SEMA3E: variants seen among roughly 807,000 people sequenced by gnomAD.
The protein encoded by SEMA3E is semaphorin 3E.
SEMA3E carries 49 observed loss-of-function variants against 93.6 expected under a neutral mutation model. The ratio of observed to expected loss-of-function variants is 0.52; its 90% CI spans 0.42 to 0.66. The LOEUF is 0.66. Among genes scored for constraint, SEMA3E ranks in the 30% least tolerant of loss-of-function variants. The pLI is 0.00. For missense variants in SEMA3E, 906 were observed against 964.8 expected, an observed-to-expected ratio of 0.94 and a Z score of 0.81; for synonymous variants, 363 against 330.7, an observed-to-expected ratio of 1.10 and a Z score of -1.06.
At chr7:83,461,914 C>T (rs1789628218) in intron 4 of SEMA3E, 1 of 152,224 alleles carries the variant, frequency 6.6e-6, no homozygotes, top group Non-Finnish European at 1.5e-5. Context: ...CCTCCAGAAC[C>T]TCCTCCCCCA....
intron 2 of SEMA3E, among the ~76,000 whole-genome samples, chr7:83,474,889 A>T (rs1789976730): frequency 6.6e-6 from 1 of 152,166 alleles, no homozygotes; most frequent in South Asian, 2.1e-4. Context: ...TTGACATTCA[A>T]TTTGATTTGG....
rs148366542 is a variant in SEMA3E, at chr7:83,586,985, A to G, written c.115+61443T>C. ...ATAGCTGTGATTCTGCATTTTGTAC[A>G]TTGAAGGCTGTAAAATAAAGGTTAG... On this transcript the variant is annotated intron_variant, in intron 1 of 16. Coordinates refer to ENST00000643230, the MANE Select transcript of SEMA3E (RefSeq NM_012431.3). 9.4e-3 allele frequency among the ~76,000 whole-genome samples: 1,437 copies of G among 152,258 alleles called. 24 individuals carry two copies. The highest frequency in any genetic ancestry group is 0.033 in the African/African-American group (1,368 of 41,564).
Position 83,365,711 on chromosome 7 carries a change from T to G in SEMA3E, c.*1875A>C, listed in dbSNP as rs1218270502. 2 of 152,172 alleles carry G rather than the reference T, an allele frequency of 1.3e-5. No homozygotes were observed. Among genetic ancestry groups the G allele is most frequent in the Non-Finnish European group, 2.9e-5 (2 of 67,994 alleles). The allele number at this position is 152,172 out of a possible 1,614,324, so 9.4% of individuals were successfully genotyped here. On this transcript the variant is annotated 3_prime_UTR_variant, in exon 17 of 17. Transcript: ENST00000643230. ...TATGTCTTATCTGCCTTTTTAATTT[T>G]AAAATTCAGATACAGGAGAAAATCC...
intron 4 of SEMA3E, among the ~76,000 whole-genome samples, chr7:83,422,184 A>G (rs1425874135): frequency 6.6e-6 from 1 of 152,152 alleles, no homozygotes; most frequent in Non-Finnish European, 1.5e-5. Context: ...TCAAAAATAA[A>G]CAAATTAAAA....
intron 4 of SEMA3E, among the ~76,000 whole-genome samples, chr7:83,456,481 C>T (rs1323468136): frequency 1.1e-4 from 16 of 152,000 alleles, no homozygotes. Context: ...TCAACAACGC[C>T]TGTAGCAAAA....
intron 5 of SEMA3E, among the ~76,000 whole-genome samples, chr7:83,415,564 G>A (rs933595491): frequency 6.6e-6 from 1 of 151,986 alleles, no homozygotes; most frequent in African/African-American, 2.4e-5. Flanking sequence ...ATAAAAATGT[G>A]CTTTATAACT....
At chr7:83,575,747 TA>T (rs1792387948) in intron 1 of SEMA3E, among the ~76,000 whole-genome samples, 1 of 152,160 alleles carries the variant, frequency 6.6e-6, no homozygotes, top group African/African-American at 2.4e-5. Context: ...AGCTTTTGAT[TA>T]ATTGAAAAAG....
At chr7:83,410,988 C>A (rs3109790) in intron 5 of SEMA3E, among the ~76,000 whole-genome samples, 76,925 of 151,788 alleles carry the variant, frequency 0.51, 22,352 homozygotes, top group East Asian at 0.85. Flanking sequence ...CTATTCTTTA[C>A]ATTTTTAATA....
intron 5 of SEMA3E, among the ~76,000 whole-genome samples, chr7:83,410,988 CA>C (rs1353708107): frequency 5.9e-5 from 9 of 151,726 alleles, no homozygotes; most frequent in Admixed American, 2.0e-4. Flanking sequence ...CTATTCTTTA[CA>C]TTTTTAATAT....
Position 83,616,827 on chromosome 7 carries a change from T to G in SEMA3E, c.115+31601A>C, listed in dbSNP as rs569635347. On this transcript the variant is annotated intron_variant, in intron 1 of 16. Coordinates refer to ENST00000643230, the MANE Select transcript of SEMA3E (RefSeq NM_012431.3). ...ACAACCTCCACCTCCCGAGTTCAAG[T>G]GATTCTCCTGCCTCAGCCTCCTGAG... 41 of 376,752 alleles carry G rather than the reference T, an allele frequency of 1.1e-4. No homozygotes were observed. In the East Asian group the frequency reaches 3.3e-3, roughly 30 times the overall value. 23.3% of individuals were successfully genotyped at this position (376,752 alleles called of 1,614,324 possible). A position where few individuals can be genotyped will look rare whatever the true frequency, so the allele number is the denominator to read the frequency against.
chr7:83,476,949 A>G (rs1790023890), intron 2 of SEMA3E, among the ~76,000 whole-genome samples: 1 of 152,182 alleles, frequency 6.6e-6, no homozygotes, highest in Admixed American at 6.6e-5. Context: ...TTAACAAGCC[A>G]TTTACTATTC....
intron 1 of SEMA3E, among the ~76,000 whole-genome samples, chr7:83,610,158 C>G (rs1793220611): frequency 6.6e-6 from 1 of 151,946 alleles, no homozygotes; most frequent in Non-Finnish European, 1.5e-5. Context: ...GGATTTTAGT[C>G]TGAAGTTCCT....
Position 83,612,879 on chromosome 7 carries a change from G to T in SEMA3E, c.115+35549C>A, listed in dbSNP as rs371780351. Among the ~76,000 whole-genome samples, 13 of 152,042 alleles carry T rather than the reference G, an allele frequency of 8.6e-5. 1 individual carries two copies. The highest frequency in any genetic ancestry group is 1.9e-4 in the East Asian group (1 of 5,144). On this transcript the variant is annotated intron_variant, in intron 1 of 16. Transcript: ENST00000643230. ...AATATTTCATTCAGAAAACTAACCT[G>T]TATACCATTAGAAAAGAGTTTGATA...
At chr7:83,525,161 T>C (rs530388297) in intron 1 of SEMA3E, among the ~76,000 whole-genome samples, 1 of 152,260 alleles carries the variant, frequency 6.6e-6, no homozygotes, top group East Asian at 1.9e-4. Context: ...TGGAAAACAT[T>C]TTCCTCTGAA....
intron 1 of SEMA3E, among the ~76,000 whole-genome samples, chr7:83,511,694 G>A (rs972244327): frequency 6.6e-6 from 1 of 152,054 alleles, no homozygotes; most frequent in Non-Finnish European, 1.5e-5. Flanking sequence ...AGACCAGCCT[G>A]GCCAACATGG....
intron 4 of SEMA3E, among the ~76,000 whole-genome samples, chr7:83,454,754 A>C (rs73174514): frequency 6.6e-6 from 1 of 152,360 alleles, no homozygotes; most frequent in Non-Finnish European, 1.5e-5. Context: ...TTTACTTAAA[A>C]TATGGTGTTC....
intron 2 of SEMA3E, 70 bp downstream of exon 2, chr7:83,490,044 A>G: frequency 6.7e-7 from 1 of 1,483,148 alleles, no homozygotes; most frequent in Admixed American, 1.7e-5. Flanking sequence ...ATTAAAAAAA[A>G]GACAAGTAAC....
rs114517306 is a variant in SEMA3E at position 83,425,058 on chromosome 7, C to T, written c.457-6575G>A. 4.7e-3 allele frequency: 769 copies of T among 165,308 alleles called. 7 individuals carry two copies. The highest frequency in any genetic ancestry group is 0.017 in the African/African-American group (713 of 42,160). The allele number at this position is 165,308 out of a possible 1,614,324, so 10.2% of individuals were successfully genotyped here. Reference sequence around the variant, plus strand: ...TTGGGGGTAACTGTCATTGGTAATACGGATCAGTGCTCCATCCAGGTATAG... The same window carrying T: ...TTGGGGGTAACTGTCATTGGTAATATGGATCAGTGCTCCATCCAGGTATAG... On this transcript the variant is annotated intron_variant, in intron 4 of 16. Coordinates refer to ENST00000643230, the MANE Select transcript of SEMA3E (RefSeq NM_012431.3).
intron 1 of SEMA3E, among the ~76,000 whole-genome samples, chr7:83,550,208 A>G (rs1031670220): frequency 1.3e-5 from 2 of 152,072 alleles, no homozygotes; most frequent in African/African-American, 4.8e-5. Context: ...AACGGATAAC[A>G]CCCACATTCA....
Sources: gnomAD v4.1 joint callset for allele counts (sites outside exome capture counted in the v4.1 genomes callset) on GRCh38, gnomAD v4.1.1 for gene constraint, MANE v1.5 for transcripts, NCBI Gene and HGNC (gene_info 2026-07-23, HGNC 2026-07-21) for gene names.